Variants in AUTS2 observed in about 807,000 individuals in gnomAD.
AUTS2 encodes activator of transcription and developmental regulator AUTS2.
A neutral mutation model predicts 112.4 loss-of-function variants in AUTS2; 17 were observed. The observed-to-expected ratio is 0.15, with a 90% CI of 0.10 to 0.23. AUTS2 has a LOEUF of 0.23. Ranked by LOEUF, AUTS2 falls within the 10% of genes least tolerant of loss-of-function variation. The probability of loss-of-function intolerance (pLI) is 1.00; values close to 1 mark genes in which losing one functional copy is unlikely to be tolerated. For synonymous variants in AUTS2, 751 were observed against 702.7 expected, an observed-to-expected ratio of 1.07 and a Z score of -1.09; for missense variants, 1,510 against 1,701.6, an observed-to-expected ratio of 0.89 and a Z score of 1.98.
intron 6 of AUTS2, among the ~76,000 whole-genome samples, chr7:70,726,911 C>A (rs1247839855): frequency 2.0e-5 from 3 of 152,202 alleles, no homozygotes; most frequent in South Asian, 4.1e-4. Flanking sequence ...CTTCCTCATT[C>A]TCTTTCCTCT....
intron 5 of AUTS2, among the ~76,000 whole-genome samples, chr7:70,684,381 G>T (rs1808352882): frequency 6.6e-6 from 1 of 152,170 alleles, no homozygotes; most frequent in South Asian, 2.1e-4. Context: ...GTGACTTATA[G>T]ACAGCCTTAC....
At chr7:70,002,010 C>T (rs1217140610) in intron 2 of AUTS2, among the ~76,000 whole-genome samples, 2 of 152,184 alleles carry the variant, frequency 1.3e-5, no homozygotes, top group Admixed American at 6.5e-5. Flanking sequence ...CACACCCGGC[C>T]TTCATTGTCA....
At chr7:70,118,046 C>T in intron 2 of AUTS2, 86 bp from the exon 3 acceptor site, 2 of 1,448,510 alleles carry the variant, frequency 1.4e-6, no homozygotes, top group African/African-American at 2.9e-5. Context: ...CCGTGCCTGG[C>T]TGTTCACTCT....
chr7:70,000,199 C>G (rs528301270), intron 2 of AUTS2, among the ~76,000 whole-genome samples: 191 of 152,016 alleles, frequency 1.3e-3, no homozygotes, highest in Non-Finnish European at 2.2e-3. Context: ...TGATTCAGTC[C>G]GATACAGTCA....
At chr7:70,481,580 C>G (rs1797788806) in intron 5 of AUTS2, among the ~76,000 whole-genome samples, 1 of 152,172 alleles carries the variant, frequency 6.6e-6, no homozygotes, top group Non-Finnish European at 1.5e-5. Context: ...TGAGCTGGGC[C>G]TACTGCAGAC....
At chr7:70,089,527 G>C (rs1303217249) in intron 2 of AUTS2, among the ~76,000 whole-genome samples, 1 of 151,370 alleles carries the variant, frequency 6.6e-6, no homozygotes, top group African/African-American at 2.4e-5. Flanking sequence ...CTTGTTTTGG[G>C]GTATTTAGGT....
chr7:70,547,277 C>CT (rs1800827116), intron 5 of AUTS2, among the ~76,000 whole-genome samples: 2 of 152,182 alleles, frequency 1.3e-5, no homozygotes, highest in Admixed American at 1.3e-4. Context: ...TTTTGGGAGA[C>CT]TGAGTCTTGC....
chr7:70,371,375 A>G (rs1562917247), intron 4 of AUTS2, among the ~76,000 whole-genome samples: 1 of 152,238 alleles, frequency 6.6e-6, no homozygotes, highest in African/African-American at 2.4e-5. Flanking sequence ...GATTGCATGC[A>G]CTGATCAGAT....
At chr7:70,021,959 G>A (rs1800295283) in intron 2 of AUTS2, among the ~76,000 whole-genome samples, 1 of 151,788 alleles carries the variant, frequency 6.6e-6, no homozygotes, top group Non-Finnish European at 1.5e-5. Flanking sequence ...TTAATGTCTG[G>A]TTTAGTGTCC....
chr7:70,187,386 ATACCTATTAAT>A (rs1809659256), intron 4 of AUTS2, among the ~76,000 whole-genome samples: 1 of 152,238 alleles, frequency 6.6e-6, no homozygotes, highest in African/African-American at 2.4e-5. Flanking sequence ...TGTAAGATAT[ATACCTATTAAT>A]TACCTATTAA....
chr7:70,439,481 G>A (rs1171276216), intron 5 of AUTS2, among the ~76,000 whole-genome samples: 1 of 149,384 alleles, frequency 6.7e-6, no homozygotes, highest in East Asian at 2.0e-4. Context: ...GGAAGTTGCA[G>A]TGAGCCGAGA....
chr7:70,648,176 G>A (rs977676115), intron 5 of AUTS2, among the ~76,000 whole-genome samples: 1 of 152,190 alleles, frequency 6.6e-6, no homozygotes, highest in African/African-American at 2.4e-5. Flanking sequence ...AATTGTTCCT[G>A]TGCTGTCCTA....
At chr7:69,621,177 T>C (rs1406228624) in intron 1 of AUTS2, among the ~76,000 whole-genome samples, 1 of 152,206 alleles carries the variant, frequency 6.6e-6, no homozygotes, top group East Asian at 1.9e-4. Flanking sequence ...GGTGCCGTTT[T>C]GATTCCTGTT....
At chr7:69,937,619 T>G (rs1173208827) in intron 2 of AUTS2, among the ~76,000 whole-genome samples, 2 of 152,186 alleles carry the variant, frequency 1.3e-5, no homozygotes, top group African/African-American at 2.4e-5. Context: ...TCTTCCACAC[T>G]GAGAAGAGGG....
chr7:70,185,054 T>G (rs1272921853), intron 4 of AUTS2, among the ~76,000 whole-genome samples: 1 of 152,126 alleles, frequency 6.6e-6, no homozygotes, highest in Admixed American at 6.5e-5. Flanking sequence ...TTTAAACTTC[T>G]TGAAGTAATG....
At chr7:69,892,170 ATT>A (rs35883320) in intron 1 of AUTS2, among the ~76,000 whole-genome samples, 13,555 of 125,172 alleles carry the variant, frequency 0.11, 682 homozygotes, top group Admixed American at 0.14. Context: ...AGTTTTGAGA[ATT>A]TTTTTTTTTT....
intron 4 of AUTS2, among the ~76,000 whole-genome samples, chr7:70,209,306 T>C (rs190938712): frequency 1.5e-4 from 23 of 152,258 alleles, no homozygotes; most frequent in Non-Finnish European, 2.8e-4. Context: ...AAAGGTTGTA[T>C]GAGGAAGAAT....
chr7:70,299,848 T>C (rs7809467), intron 4 of AUTS2, among the ~76,000 whole-genome samples: 2 of 152,098 alleles, frequency 1.3e-5, no homozygotes, highest in Non-Finnish European at 2.9e-5. Context: ...AAAAAATCTT[T>C]CTGTTTGATA....
At chr7:70,697,570 C>CCG (rs1554464390) in intron 5 of AUTS2, among the ~76,000 whole-genome samples, 1 of 142,594 alleles carries the variant, frequency 7.0e-6, no homozygotes, top group Non-Finnish European at 1.5e-5. Context: ...TCCCCCCCCC[C>CCG]ATTTCCTATA....
Sources: allele counts gnomAD v4.1 joint callset (sites outside exome capture counted in the v4.1 genomes callset), GRCh38; gene constraint gnomAD v4.1.1; transcripts MANE v1.5; gene names NCBI Gene and HGNC (gene_info 2026-07-23, HGNC 2026-07-21).